The following MAGI2 variants were observed in gnomAD, a reference collection of about 807,000 sequenced individuals.
MAGI2 encodes membrane-associated guanylate kinase, WW and PDZ domain-containing protein 2.
MAGI2 carries 35 observed loss-of-function variants against 133.3 expected under a neutral mutation model. That is an observed-to-expected ratio of 0.26 (90% confidence interval 0.20 to 0.35). The LOEUF (loss-of-function observed/expected upper bound fraction) is 0.35. MAGI2 is among the 10% of genes least tolerant of loss of function. The pLI, the probability that MAGI2 is intolerant of heterozygous loss-of-function variation, is 1.00. For synonymous variants in MAGI2, 729 were observed against 710.6 expected (o/e 1.03, Z -0.41); for missense variants, 1,636 against 1,863.4 (o/e 0.88, Z 2.25).
At chr7:79,219,448 A>G (rs878866192) in intron 1 of MAGI2, among the ~76,000 whole-genome samples, 5 of 152,042 alleles carry the variant, frequency 3.3e-5, no homozygotes, top group Non-Finnish European at 7.4e-5. Context: ...GCTTTCCTCT[A>G]CTTCAAAAAA....
At chr7:78,869,653 A>T (rs563779001) in intron 2 of MAGI2, among the ~76,000 whole-genome samples, 1 of 152,324 alleles carries the variant, frequency 6.6e-6, no homozygotes, top group African/African-American at 2.4e-5. Context: ...AGCAGGAGAG[A>T]GAGTGCTAGG....
intron 1 of MAGI2, among the ~76,000 whole-genome samples, chr7:79,186,904 A>C (rs1356302880): frequency 1.3e-5 from 2 of 150,804 alleles, no homozygotes; most frequent in Non-Finnish European, 1.5e-5. Flanking sequence ...AATATTTTGA[A>C]ATATGATGCT....
At chr7:79,018,039 C>G in intron 1 of MAGI2, among the ~76,000 whole-genome samples, 1 of 151,972 alleles carries the variant, frequency 6.6e-6, no homozygotes. Context: ...AAAATTTCCC[C>G]AATTTTGCTA....
At chr7:78,623,910 A>G (rs1055820591) in intron 3 of MAGI2, among the ~76,000 whole-genome samples, 9 of 152,128 alleles carry the variant, frequency 5.9e-5, no homozygotes, top group Admixed American at 6.6e-5. Flanking sequence ...GCAATGCATC[A>G]CTCATTTGTG....
At chr7:78,446,036 T>A (rs991244133) in intron 6 of MAGI2, among the ~76,000 whole-genome samples, 1 of 67,502 alleles carries the variant, frequency 1.5e-5, no homozygotes, top group African/African-American at 3.4e-5. Flanking sequence ...AGTTTCTATT[T>A]TGTGTTTCTT....
At chr7:78,189,345 G>A (rs1417511010) in intron 12 of MAGI2, among the ~76,000 whole-genome samples, 1 of 152,064 alleles carries the variant, frequency 6.6e-6, no homozygotes, top group Non-Finnish European at 1.5e-5. Flanking sequence ...CTCTTGAACT[G>A]GCGTGTGATC....
At chr7:78,337,702 A>G (rs1278349413) in intron 9 of MAGI2, among the ~76,000 whole-genome samples, 3 of 152,232 alleles carry the variant, frequency 2.0e-5, no homozygotes, top group Non-Finnish European at 4.4e-5. Flanking sequence ...TCATTATAAA[A>G]AAGAAAATTA....
chr7:78,244,341 T>A (rs1487237178), intron 10 of MAGI2, among the ~76,000 whole-genome samples: 1 of 151,978 alleles, frequency 6.6e-6, no homozygotes, highest in African/African-American at 2.4e-5. Flanking sequence ...TTGTAAAAAC[T>A]GAGCCCTGGC....
At chr7:78,833,611 G>T (rs1368137265) in intron 2 of MAGI2, among the ~76,000 whole-genome samples, 1 of 152,146 alleles carries the variant, frequency 6.6e-6, no homozygotes, top group Non-Finnish European at 1.5e-5. Flanking sequence ...GCTTGGGTGT[G>T]TCCCTGAACC....
chr7:79,195,636 C>G (rs1198624353), intron 1 of MAGI2, among the ~76,000 whole-genome samples: 2 of 151,934 alleles, frequency 1.3e-5, no homozygotes, highest in Non-Finnish European at 2.9e-5. Flanking sequence ...TTCTGCCCAG[C>G]AATGGAGAGT....
At chr7:78,575,301 C>T (rs369436570) in intron 3 of MAGI2, among the ~76,000 whole-genome samples, 36 of 149,930 alleles carry the variant, frequency 2.4e-4, no homozygotes, top group African/African-American at 2.8e-4. Context: ...TTGAAAGTAA[C>T]GGCAAAAACT....
intron 1 of MAGI2, among the ~76,000 whole-genome samples, chr7:79,064,211 T>C (rs573446173): frequency 6.6e-6 from 1 of 152,208 alleles, no homozygotes; most frequent in African/African-American, 2.4e-5. Flanking sequence ...GCTGAAGATC[T>C]AGTGGTAAAA....
intron 2 of MAGI2, among the ~76,000 whole-genome samples, chr7:78,664,546 T>G (rs2151051380): frequency 6.6e-6 from 1 of 152,134 alleles, no homozygotes; most frequent in South Asian, 2.1e-4. Flanking sequence ...ACTAGTATGT[T>G]TTTCTACTTT....
chr7:78,402,792 T>C (rs960666024), intron 6 of MAGI2, among the ~76,000 whole-genome samples: 1 of 152,194 alleles, frequency 6.6e-6, no homozygotes, highest in Non-Finnish European at 1.5e-5. Context: ...GTTAAGCACA[T>C]TAATAAATTT....
At chr7:78,982,259 C>A (rs1804860402) in intron 2 of MAGI2, among the ~76,000 whole-genome samples, 1 of 151,866 alleles carries the variant, frequency 6.6e-6, no homozygotes, top group South Asian at 2.1e-4. Flanking sequence ...AAAAAATTGT[C>A]ATTAAAAGGA....
chr7:79,095,778 G>A (rs996255752), intron 1 of MAGI2, among the ~76,000 whole-genome samples: 3 of 152,020 alleles, frequency 2.0e-5, no homozygotes, highest in Admixed American at 6.6e-5. Context: ...CATCATAATC[G>A]ATATGAAAAT....
chr7:79,424,779 T>C (rs1412527410), intron 1 of MAGI2, among the ~76,000 whole-genome samples: 2 of 152,178 alleles, frequency 1.3e-5, no homozygotes, highest in African/African-American at 2.4e-5. Context: ...TTTAAAATAA[T>C]ATTTCAATAT....
At chr7:78,075,377 T>TTC (rs1014156889) in intron 21 of MAGI2, among the ~76,000 whole-genome samples, 1 of 64,006 alleles carries the variant, frequency 1.6e-5, no homozygotes, top group African/African-American at 1.4e-4. Context: ...GTAATAAATC[T>TTC]TTTTTTTTTT....
intron 21 of MAGI2, chr7:78,072,733 T>C: frequency 5.1e-6 from 2 of 395,992 alleles, no homozygotes; most frequent in Non-Finnish European, 4.4e-6. Context: ...CAGGCTGGTG[T>C]GCAGTGGCAC....
Sources: gnomAD v4.1 joint callset for allele counts (sites outside exome capture counted in the v4.1 genomes callset) on GRCh38, gnomAD v4.1.1 for gene constraint, MANE v1.5 for transcripts, NCBI Gene and HGNC (gene_info 2026-07-23, HGNC 2026-07-21) for gene names.